The following ERICH6 variants were observed in gnomAD, a reference collection of about 807,000 sequenced individuals.
ERICH6 encodes glutamate-rich protein 6.
Under a neutral mutation model 71.0 loss-of-function variants are expected in ERICH6, and 71 were observed. That is an observed-to-expected ratio of 1.00 (90% CI 0.83 to 1.22). The LOEUF is 1.22. Ranked by LOEUF, ERICH6 falls within the 50% of genes most tolerant of loss-of-function variation. ERICH6 has a pLI of 0.00. For synonymous variants in ERICH6, 262 were observed against 278.4 expected (o/e 0.94, Z 0.59); for missense variants, 808 against 797.2 (o/e 1.01, Z -0.16).
At chr3:150,687,218 T>A (rs1322039260) in intron 3 of ERICH6, among the ~76,000 whole-genome samples, 1 of 152,228 alleles carries the variant, frequency 6.6e-6, no homozygotes, top group East Asian at 1.9e-4. Context: ...CGCTGCTAAG[T>A]GAATCCAACG....
At chr3:150,667,476 A>C (rs1317250148) in intron 12 of ERICH6, among the ~76,000 whole-genome samples, 4 of 152,166 alleles carry the variant, frequency 2.6e-5, no homozygotes, top group Admixed American at 2.6e-4. Flanking sequence ...AGGAGCTAGG[A>C]GTCCTTCCAG....
At chr3:150,686,267 C>A (rs1434786534) in intron 4 of ERICH6, 31 bp downstream of exon 4, 3 of 1,609,006 alleles carry the variant, frequency 1.9e-6, no homozygotes, top group East Asian at 4.5e-5. Context: ...CCTTTGCCAG[C>A]AAAAGGAGAT....
At chr3:150,666,745 A>G in intron 13 of ERICH6, 42 bp downstream of exon 13, 1 of 1,544,890 alleles carries the variant, frequency 6.5e-7, no homozygotes, top group Non-Finnish European at 8.9e-7. Flanking sequence ...TACTCTTATT[A>G]TTATTCTAAA....
chr3:150,669,583 G>T (rs947295943), intron 11 of ERICH6, 132 bp from the exon 12 acceptor site: 7 of 963,476 alleles, frequency 7.3e-6, no homozygotes, highest in African/African-American at 6.9e-5. Flanking sequence ...TAATACAAAA[G>T]ATTTTATGCT....
At chr3:150,696,980 A>G (rs1712678358) in intron 3 of ERICH6, among the ~76,000 whole-genome samples, 1 of 152,162 alleles carries the variant, frequency 6.6e-6, no homozygotes, top group South Asian at 2.1e-4. Flanking sequence ...CTGTGGAAAT[A>G]AATATCTAGG....
At chr3:150,664,779 T>A (rs1009488088) in intron 13 of ERICH6, among the ~76,000 whole-genome samples, 3 of 151,576 alleles carry the variant, frequency 2.0e-5, no homozygotes, top group Admixed American at 6.6e-5. Flanking sequence ...TCTCATTTTT[T>A]AAAAAATTAT....
At chr3:150,674,231 A>G (rs936025598) in intron 10 of ERICH6, among the ~76,000 whole-genome samples, 190 bp from the exon 11 acceptor site, 1 of 152,184 alleles carries the variant, frequency 6.6e-6, no homozygotes, top group African/African-American at 2.4e-5. Flanking sequence ...CCTTGCAAGT[A>G]TAACTTGATA....
At chr3:150,672,632 C>CT (rs1206367605) in intron 11 of ERICH6, among the ~76,000 whole-genome samples, 1 of 148,886 alleles carries the variant, frequency 6.7e-6, no homozygotes, top group Non-Finnish European at 1.5e-5. Context: ...TTTTCTTTTT[C>CT]TTTTTTTATT....
intron 13 of ERICH6, among the ~76,000 whole-genome samples, chr3:150,665,250 G>A (rs187461888): frequency 2.0e-5 from 3 of 152,212 alleles, no homozygotes; most frequent in Admixed American, 2.0e-4. Flanking sequence ...TCTCCCCTTT[G>A]TTTGGTGGTC....
chr3:150,678,835 G>GT (rs1229301612), intron 9 of ERICH6, among the ~76,000 whole-genome samples: 1 of 152,006 alleles, frequency 6.6e-6, no homozygotes, highest in African/African-American at 2.4e-5. Context: ...GAGGTCAGGA[G>GT]TTTGAGACCA....
At chr3:150,667,394 T>C (rs1727465212) in intron 12 of ERICH6, among the ~76,000 whole-genome samples, 1 of 152,172 alleles carries the variant, frequency 6.6e-6, no homozygotes. Flanking sequence ...AATAAAGACC[T>C]GTGGCTGTAA....
At chr3:150,687,964 T>TA (rs1317201777) in intron 3 of ERICH6, among the ~76,000 whole-genome samples, 1 of 151,718 alleles carries the variant, frequency 6.6e-6, no homozygotes. Context: ...TGAAAAACTT[T>TA]AAAAAAAATT....
At chr3:150,662,500 C>T (rs976532122) in intron 13 of ERICH6, among the ~76,000 whole-genome samples, 21 of 152,094 alleles carry the variant, frequency 1.4e-4, no homozygotes, top group Non-Finnish European at 4.4e-5. Context: ...GTTAAATATA[C>T]ATGGAACACT....
intron 6 of ERICH6, among the ~76,000 whole-genome samples, chr3:150,685,494 C>T (rs1275825907): frequency 2.0e-5 from 3 of 152,120 alleles, no homozygotes; most frequent in Admixed American, 6.5e-5. Flanking sequence ...ACACTGATTT[C>T]GAACTTCTAG....
At position 150,674,004 on chromosome 3, in the gene ERICH6, T is replaced by C. The variant is rs1188182857; in HGVS notation, c.1295A>G (p.His432Arg). ...AAATGAAGTCAGAAACTTGCTCCCA[T>C]GTTTGTAGTGCTTCTCTAAGAGCTC... ...RNELLEKHYK[H>R]GSKFLTSFPD... The change falls in exon 11 of 14, where the codon CAT (histidine) becomes CGT (arginine). Residue 432 changes from histidine to arginine, a missense_variant. Physicochemically the swap from His to Arg is conservative, Grantham distance 29. Transcript: ENST00000295910. 1 of 1,614,168 alleles carries C rather than the reference T, an allele frequency of 6.2e-7. No individual in the cohort carries two copies. The highest frequency in any genetic ancestry group is 8.5e-7 in the Non-Finnish European group (1 of 1,180,014).
At chr3:150,673,856 C>T (rs1711554013) in intron 11 of ERICH6, 100 bp downstream of exon 11, 5 of 1,079,810 alleles carry the variant, frequency 4.6e-6, no homozygotes, top group Non-Finnish European at 6.8e-6. Flanking sequence ...GCTGGCATTA[C>T]AGGTGTGAGC....
At chr3:150,683,109 A>T (rs560480738) in intron 6 of ERICH6, among the ~76,000 whole-genome samples, 3 of 152,306 alleles carry the variant, frequency 2.0e-5, no homozygotes, top group Non-Finnish European at 2.9e-5. Flanking sequence ...TGCCATGGTA[A>T]CCATTCTCTG....
intron 10 of ERICH6, among the ~76,000 whole-genome samples, chr3:150,676,873 G>A (rs1711678115): frequency 6.6e-6 from 1 of 151,866 alleles, no homozygotes; most frequent in South Asian, 2.1e-4. Flanking sequence ...GAGTGCAATG[G>A]CGCGATCTTG....
In ERICH6 at chr3:150,680,853, A is replaced by G. The variant is rs747979099; in HGVS notation, c.960T>C (p.Ala320=). 11 of 1,614,032 alleles carry G rather than the reference A, an allele frequency of 6.8e-6. No individual in the cohort carries two copies. Among genetic ancestry groups the G allele is most frequent in the Non-Finnish European group, 8.5e-6 (10 of 1,180,012 alleles). ...CATGAGGGTCAATAGCAATTAATTCAGCTTTAGGGGGTTTGGTTTTTATTT... is the reference window on the plus strand; with the variant it reads ...CATGAGGGTCAATAGCAATTAATTCGGCTTTAGGGGGTTTGGTTTTTATTT... ...EEQIKTKPPK[A]ELIAIDPHAA... is the part of the protein sequence containing the mutation. Residue 320 remains alanine (A), a synonymous_variant, in exon 8 of 14, where the codon GCT becomes GCC. Transcript: ENST00000295910.
Sources: gnomAD v4.1 joint callset for allele counts (sites outside exome capture counted in the v4.1 genomes callset) on GRCh38, gnomAD v4.1.1 for gene constraint, MANE v1.5 for transcripts, NCBI Gene and HGNC (gene_info 2026-07-23, HGNC 2026-07-21) for gene names.